UBE2D2: variants seen among roughly 807,000 people sequenced by gnomAD.
The protein encoded by UBE2D2 is ubiquitin conjugating enzyme E2 D2, also known as ubiquitin-conjugating enzyme E2 D2.
In UBE2D2, 2 loss-of-function variants were observed where a neutral mutation model predicts 24.2. The observed-to-expected ratio is 0.08, with a 90% CI of 0.03 to 0.26. The LOEUF (loss-of-function observed/expected upper bound fraction) is 0.26, where lower values mean the gene tolerates loss of function less well. UBE2D2 is among the 10% of genes least tolerant of loss of function. UBE2D2 has a pLI of 1.00. For missense variants in UBE2D2, 44 were observed against 177.6 expected (o/e 0.25, Z 4.28); for synonymous variants, 58 against 56.5 (o/e 1.03, Z -0.12).
intron 1 of UBE2D2, among the ~76,000 whole-genome samples, chr5:139,547,892 A>G (rs555898846): frequency 6.6e-6 from 1 of 151,560 alleles, no homozygotes; most frequent in African/African-American, 2.4e-5. Flanking sequence ...ACAGTGTTTC[A>G]CCATGCTGGC....
intron 5 of UBE2D2, among the ~76,000 whole-genome samples, chr5:139,621,261 A>C (rs753631478): frequency 9.2e-5 from 14 of 152,304 alleles, no homozygotes; most frequent in South Asian, 4.1e-4. Flanking sequence ...TACATACATA[A>C]ATAAATAAAT....
At chr5:139,602,000 CA>C (rs1338435041) in intron 2 of UBE2D2, among the ~76,000 whole-genome samples, 2 of 151,456 alleles carry the variant, frequency 1.3e-5, no homozygotes, top group African/African-American at 4.8e-5. Context: ...TATGTAGATT[CA>C]GACCAAAATG....
intron 1 of UBE2D2, among the ~76,000 whole-genome samples, chr5:139,595,890 TTG>T (rs1328774178): frequency 0.011 from 1,529 of 135,330 alleles, 27 homozygotes; most frequent in African/African-American, 0.042. Flanking sequence ...TTGTTTTTTG[TTG>T]TTTTTTTTTT....
chr5:139,548,360 C>T (rs913919841), intron 1 of UBE2D2, among the ~76,000 whole-genome samples: 17 of 151,658 alleles, frequency 1.1e-4, no homozygotes, highest in Non-Finnish European at 1.6e-4. Flanking sequence ...TGGATTGAAC[C>T]GCCAGACTGT....
intron 1 of UBE2D2, among the ~76,000 whole-genome samples, chr5:139,544,048 G>C (rs1419353991): frequency 6.6e-6 from 1 of 152,132 alleles, no homozygotes; most frequent in Non-Finnish European, 1.5e-5. Context: ...TAATGTGACA[G>C]AGTATAAAGC....
At chr5:139,549,988 A>G (rs1054527346) in intron 1 of UBE2D2, among the ~76,000 whole-genome samples, 1 of 152,122 alleles carries the variant, frequency 6.6e-6, no homozygotes, top group Non-Finnish European at 1.5e-5. Flanking sequence ...ACCAATTAGC[A>G]CTCTGTGTCT....
At chr5:139,608,167 C>T (rs562798860) in intron 2 of UBE2D2, among the ~76,000 whole-genome samples, 9 of 152,142 alleles carry the variant, frequency 5.9e-5, no homozygotes, top group Admixed American at 5.2e-4. Context: ...CGTGGTAGCT[C>T]ACGGCTGTAA....
At chr5:139,577,230 A>AC (rs1319868104) in intron 1 of UBE2D2, among the ~76,000 whole-genome samples, 11 of 152,052 alleles carry the variant, frequency 7.2e-5, no homozygotes. Flanking sequence ...TATTACTTTT[A>AC]AGTTTCAAGG....
chr5:139,623,187 AAATAAT>A (rs373300447), intron 5 of UBE2D2, among the ~76,000 whole-genome samples, 175 bp from the exon 6 acceptor site: 137 of 151,750 alleles, frequency 9.0e-4, no homozygotes, highest in Non-Finnish European at 1.6e-3. Flanking sequence ...AAAAAAAAAG[AAATAAT>A]AATAATAATA....
At chr5:139,598,216 G>C (rs565481199) in intron 1 of UBE2D2, among the ~76,000 whole-genome samples, 5 of 152,024 alleles carry the variant, frequency 3.3e-5, no homozygotes, top group Non-Finnish European at 7.4e-5. Context: ...CTTTATTTCT[G>C]TACTTTATGC....
chr5:139,592,259 C>G (rs113109249), intron 1 of UBE2D2, among the ~76,000 whole-genome samples: 1 of 152,074 alleles, frequency 6.6e-6, no homozygotes, highest in East Asian at 1.9e-4. Flanking sequence ...CCTTCTAAGT[C>G]TCATCTCTTT....
intron 1 of UBE2D2, among the ~76,000 whole-genome samples, chr5:139,571,402 C>T (rs1306212583): frequency 6.8e-6 from 1 of 146,022 alleles, no homozygotes; most frequent in African/African-American, 2.5e-5. Flanking sequence ...GCAAGACTCC[C>T]TCTCAAAAAA....
intron 2 of UBE2D2, among the ~76,000 whole-genome samples, chr5:139,601,186 A>G (rs1183922867): frequency 6.6e-6 from 1 of 152,212 alleles, no homozygotes; most frequent in Non-Finnish European, 1.5e-5. Flanking sequence ...ATTAGATGAT[A>G]ATTTCCTCTT....
chr5:139,534,302 C>G (rs1270938640), intron 1 of UBE2D2, among the ~76,000 whole-genome samples: 1 of 151,960 alleles, frequency 6.6e-6, no homozygotes, highest in Non-Finnish European at 1.5e-5. Flanking sequence ...GGCAGTGGCT[C>G]ACGCCTGTAA....
intron 1 of UBE2D2, among the ~76,000 whole-genome samples, chr5:139,548,365 G>A (rs938990379): frequency 1.1e-4 from 16 of 151,764 alleles, no homozygotes; most frequent in African/African-American, 3.9e-4. Context: ...TGAACCGCCA[G>A]ACTGTTTTCC....
rs537134119 is a variant in UBE2D2 at position 139,589,426 on chromosome 5, G to T, written c.25-10946G>T. Reference sequence around the variant, plus strand: ...AGTACAAAAATTTGCCAGGCATGTTGGTGTGTGCCTGTAGTCCTAGCTACT... The same window carrying T: ...AGTACAAAAATTTGCCAGGCATGTTTGTGTGTGCCTGTAGTCCTAGCTACT... On this transcript the variant is annotated intron_variant, in intron 1 of 6. Transcript: ENST00000398733. 1.4e-4 allele frequency among the ~76,000 whole-genome samples: 21 copies of T among 152,230 alleles called. No homozygotes were observed. In the East Asian group the frequency reaches 1.5e-3, roughly 11 times the overall value.
chr5:139,626,030 A>G (rs1446932640), intron 6 of UBE2D2, among the ~76,000 whole-genome samples: 1 of 152,040 alleles, frequency 6.6e-6, no homozygotes, highest in African/African-American at 2.4e-5. Flanking sequence ...TTCTACCAGA[A>G]CCAATTGTTT....
intron 2 of UBE2D2, among the ~76,000 whole-genome samples, chr5:139,602,034 T>C (rs1282321172): frequency 2.6e-5 from 4 of 152,170 alleles, no homozygotes; most frequent in African/African-American, 9.7e-5. Flanking sequence ...AATTAGCTTA[T>C]GTTTAATATT....
chr5:139,607,095 C>T (rs1401898575), intron 2 of UBE2D2, among the ~76,000 whole-genome samples: 2 of 152,202 alleles, frequency 1.3e-5, no homozygotes, highest in East Asian at 1.9e-4. Context: ...TGAGCCACCA[C>T]GCCTAGCCTA....
Sources: allele counts gnomAD v4.1 joint callset (sites outside exome capture counted in the v4.1 genomes callset), GRCh38; gene constraint gnomAD v4.1.1; transcripts MANE v1.5; gene names NCBI Gene and HGNC (gene_info 2026-07-23, HGNC 2026-07-21).